The following ABCC2 variants were observed in gnomAD, a reference collection of about 807,000 sequenced individuals.
ABCC2 encodes ATP-binding cassette sub-family C member 2.
In ABCC2, 157 loss-of-function variants were observed where a neutral mutation model predicts 173.4. That is an observed-to-expected ratio of 0.91 (90% CI 0.80 to 1.03). The LOEUF (loss-of-function observed/expected upper bound fraction) is 1.03, where lower values mean the gene tolerates loss of function less well. Ranked by LOEUF, ABCC2 falls within the 50% of genes least tolerant of loss-of-function variation. The pLI is 0.00. For synonymous variants in ABCC2, 657 were observed against 693.5 expected (o/e 0.95, Z 0.83); for missense variants, 1,822 against 1,852.3 (o/e 0.98, Z 0.30).
chr10:99,814,737 G>A (rs1375896386), intron 16 of ABCC2, among the ~76,000 whole-genome samples: 1 of 142,728 alleles, frequency 7.0e-6, no homozygotes, highest in Admixed American at 6.9e-5. Flanking sequence ...GTGTGTGTAT[G>A]TGTATATGTA....
chr10:99,793,935 C>T lies in ABCC2; in HGVS notation c.512C>T (p.Ser171Phe). The T allele has an allele frequency of 6.2e-7, 1 of 1,613,956 alleles. No individual in the cohort carries two copies. The highest frequency in any genetic ancestry group is 8.5e-7 in the Non-Finnish European group (1 of 1,179,926). ...NLAYSCLFFISYGFQILILIF... is the reference protein window; with the variant it reads ...NLAYSCLFFIFYGFQILILIF... ...GCCTACTCCTGCCTGTTCTTCATCT[C>T]CTACGGATTCCAGATCCTGATCCTG... Residue 171 changes from serine to phenylalanine, a missense_variant, in exon 5 of 32, where the codon TCC becomes TTC. Physicochemically the swap from Ser to Phe is radical, Grantham distance 155. Transcript: ENST00000647814.
In ABCC2 at chr10:99,782,787, A is replaced by G. The variant is rs2037637322; in HGVS notation, c.-58A>G. The G allele has an allele frequency of 6.3e-7, 1 of 1,579,364 alleles. No individual in the cohort carries two copies. Among genetic ancestry groups the G allele is most frequent in the South Asian group, 1.1e-5 (1 of 90,326 alleles). ...CTTTCTTTGATGAAACAAGTAAAGA[A>G]GAAACAACACAATCATATTAATAGA... On this transcript the variant is annotated 5_prime_UTR_variant, in exon 1 of 32. Coordinates refer to ENST00000647814, the MANE Select transcript of ABCC2 (RefSeq NM_000392.5).
chr10:99,799,534 G>T (rs1206543150), intron 8 of ABCC2, among the ~76,000 whole-genome samples, 164 bp downstream of exon 8: 1 of 152,158 alleles, frequency 6.6e-6, no homozygotes, highest in Non-Finnish European at 1.5e-5. Flanking sequence ...GAAGACCGCA[G>T]GCAGTTTTCA....
intron 17 of ABCC2, 94 bp from the exon 18 acceptor site, chr10:99,818,696 T>C (rs1441207444): frequency 1.4e-6 from 2 of 1,413,250 alleles, no homozygotes; most frequent in South Asian, 1.2e-5. Context: ...TGACACCTTA[T>C]TGAGACAAAT....
intron 2 of ABCC2, 124 bp downstream of exon 2, chr10:99,784,905 G>A: frequency 8.0e-7 from 1 of 1,245,958 alleles, no homozygotes; most frequent in Non-Finnish European, 1.1e-6. Context: ...GTCTCAGGTA[G>A]AGCCAGGCTC....
chr10:99,850,872 C>A, intron 31 of ABCC2, 76 bp downstream of exon 31: 8 of 1,534,840 alleles, frequency 5.2e-6, no homozygotes, highest in Non-Finnish European at 7.2e-6. Context: ...CCGGGAAACA[C>A]CTGATGGCAG....
intron 25 of ABCC2, among the ~76,000 whole-genome samples, chr10:99,840,559 G>A (rs1221038887): frequency 2.0e-5 from 3 of 151,224 alleles, no homozygotes; most frequent in African/African-American, 7.3e-5. Context: ...TGGGTGGAGT[G>A]CAGTGGTGCA....
Position 99,784,646 on chromosome 10 carries a change from A to G in ABCC2, c.72A>G (p.Pro24=), listed in dbSNP as rs763624698. ...SFLDSPEADL[P]LCFEQTVLVW... ...TGGACAGTCCGGAGGCAGACCTGCCACTTTGTTTTGAGCAAACTGTTCTGG... is the reference window on the plus strand; with the variant it reads ...TGGACAGTCCGGAGGCAGACCTGCCGCTTTGTTTTGAGCAAACTGTTCTGG... Residue 24 remains proline, a synonymous_variant, in exon 2 of 32, where the codon CCA becomes CCG. Transcript: ENST00000647814. The G allele has an allele frequency of 6.2e-7, 1 of 1,614,198 alleles. No individual in the cohort carries two copies. Among genetic ancestry groups the G allele is most frequent in the East Asian group, 2.2e-5 (1 of 44,876 alleles).
intron 6 of ABCC2, among the ~76,000 whole-genome samples, chr10:99,795,801 A>AGATAGATAGAG (rs1554847628): frequency 2.9e-5 from 3 of 102,286 alleles, no homozygotes; most frequent in Admixed American, 1.0e-4. Context: ...GAAAGAAAGA[A>AGATAGATAGAG]AGATTTCTAA....
In ABCC2 at chr10:99,845,674, C is replaced by T. The variant is rs761953538; in HGVS notation, c.4038C>T (p.Cys1346=). 1 of 1,614,064 alleles carries T rather than the reference C, an allele frequency of 6.2e-7. No individual in the cohort carries two copies. Among genetic ancestry groups the T allele is most frequent in the South Asian group, 1.1e-5 (1 of 91,060 alleles). Residue 1346 remains cysteine, a synonymous_variant, in exon 29 of 32, where the codon TGC becomes TGT. Coordinates refer to ENST00000647814, the MANE Select transcript of ABCC2 (RefSeq NM_000392.5). ...TGAGKSSLTN[C]LFRILEAAGG... ...CTGGAAAGTCATCCCTCACAAACTG[C>T]CTCTTCAGAATCTTAGAGGCTGCCG...
intron 8 of ABCC2, 137 bp downstream of exon 8, chr10:99,799,507 T>C: frequency 9.6e-7 from 1 of 1,043,232 alleles, no homozygotes; most frequent in Non-Finnish European, 1.5e-6. Flanking sequence ...ACCTTAACCT[T>C]ACAGCATTGT....
chr10:99,843,974 A>G, intron 27 of ABCC2, 74 bp downstream of exon 27: 1 of 1,249,514 alleles, frequency 8.0e-7, no homozygotes, highest in African/African-American at 1.5e-5. Flanking sequence ...CATCTTTAGA[A>G]TTTCTCCATA....
At chr10:99,832,932 T>G (rs4148399) in intron 23 of ABCC2, among the ~76,000 whole-genome samples, 11,015 of 152,250 alleles carry the variant, frequency 0.072, 664 homozygotes, top group East Asian at 0.33. Context: ...CCCAACTCAC[T>G]GATTTTTTAG....
intron 9 of ABCC2, among the ~76,000 whole-genome samples, chr10:99,803,263 A>G (rs957483298): frequency 2.6e-5 from 4 of 152,220 alleles, no homozygotes; most frequent in Non-Finnish European, 4.4e-5. Context: ...GCCACTGCAC[A>G]CAGCCTACAA....
chr10:99,804,414 G>A, intron 10 of ABCC2, 141 bp downstream of exon 10: 1 of 1,122,850 alleles, frequency 8.9e-7, no homozygotes, highest in Non-Finnish European at 1.3e-6. Context: ...GTACTTAGCT[G>A]TCTCTGAGTT....
Position 99,841,980 on chromosome 10 carries a change from C to A in ABCC2, c.3628C>A (p.Arg1210Ser). Reference sequence around the variant, plus strand: ...GTTGCCCCACAGGTGGCTTGCAATTCGCCTGGAGCTGGTTGGGAACCTGAC... The same window carrying A: ...GTTGCCCCACAGGTGGCTTGCAATTAGCCTGGAGCTGGTTGGGAACCTGAC... ...WITSNRWLAI[R>S]LELVGNLTVF... is the part of the protein sequence containing the mutation. Residue 1210 changes from arginine (R) to serine (S), a missense_variant, in exon 26 of 32, where the codon CGC becomes AGC. Coordinates refer to ENST00000647814, the MANE Select transcript of ABCC2 (RefSeq NM_000392.5). The A allele has an allele frequency of 6.2e-7, 1 of 1,614,134 alleles. No homozygotes were observed. The highest frequency in any genetic ancestry group is 8.5e-7 in the Non-Finnish European group (1 of 1,180,012).
chr10:99,821,511 G>A (rs1376502319), intron 19 of ABCC2, among the ~76,000 whole-genome samples: 4 of 152,088 alleles, frequency 2.6e-5, no homozygotes, highest in Admixed American at 6.5e-5. Context: ...GCGGCCTTCC[G>A]CAGTTTTTGT....
At chr10:99,814,335 A>ATG (rs200086370) in intron 16 of ABCC2, among the ~76,000 whole-genome samples, 3 of 138,272 alleles carry the variant, frequency 2.2e-5, no homozygotes, top group African/African-American at 5.8e-5. Flanking sequence ...GTATACACAC[A>ATG]TGTATATATA....
At chr10:99,818,014 A>G (rs1020491823) in intron 17 of ABCC2, among the ~76,000 whole-genome samples, 2 of 152,206 alleles carry the variant, frequency 1.3e-5, no homozygotes, top group African/African-American at 2.4e-5. Flanking sequence ...ACCTGAGGTC[A>G]GGAGTTCAAG....
Sources: allele counts gnomAD v4.1 joint callset (sites outside exome capture counted in the v4.1 genomes callset), GRCh38; gene constraint gnomAD v4.1.1; transcripts MANE v1.5; gene names NCBI Gene and HGNC (gene_info 2026-07-23, HGNC 2026-07-21).